CIT: variants seen among roughly 807,000 people sequenced by gnomAD.
CIT encodes citron Rho-interacting kinase.
A neutral mutation model predicts 272.7 loss-of-function variants in CIT; 79 were observed. That is an observed-to-expected ratio of 0.29 (90% CI 0.24 to 0.35). CIT has a LOEUF of 0.35. Among genes scored for constraint, CIT ranks in the 10% least tolerant of loss-of-function variants. The pLI, the probability that CIT is intolerant of heterozygous loss-of-function variation, is 1.00. For synonymous variants in CIT, 948 were observed against 995.6 expected (o/e 0.95, Z 0.90); for missense variants, 1,909 against 2,618.3 (o/e 0.73, Z 5.91).
intron 32 of CIT, among the ~76,000 whole-genome samples, chr12:119,716,854 G>A (rs577786890): frequency 4.9e-4 from 75 of 152,288 alleles, no homozygotes; most frequent in South Asian, 2.1e-4. Flanking sequence ...CCATCAACAG[G>A]AGCCTGGCTT....
At chr12:119,794,593 C>G (rs1210134335) in intron 10 of CIT, among the ~76,000 whole-genome samples, 1 of 152,134 alleles carries the variant, frequency 6.6e-6, no homozygotes, top group Non-Finnish European at 1.5e-5. Flanking sequence ...CTACCAGAAG[C>G]CTGGAGAGCA....
intron 4 of CIT, 111 bp downstream of exon 4, chr12:119,857,412 G>A (rs1054000446): frequency 1.9e-5 from 21 of 1,082,880 alleles, no homozygotes; most frequent in African/African-American, 1.7e-4. Flanking sequence ...TAAATATAGA[G>A]TCACAGAGGA....
At chr12:119,751,208 T>C (rs1466194974) in intron 23 of CIT, among the ~76,000 whole-genome samples, 1 of 152,164 alleles carries the variant, frequency 6.6e-6, no homozygotes, top group Non-Finnish European at 1.5e-5. Context: ...TATACTTCCC[T>C]GAATGGGAAA....
chr12:119,796,443 C>G (rs1032477474), intron 10 of CIT, among the ~76,000 whole-genome samples: 3 of 152,002 alleles, frequency 2.0e-5, no homozygotes, highest in African/African-American at 7.3e-5. Context: ...GATGGGATGG[C>G]GGGGGAGGCA....
At chr12:119,787,604 G>A (rs1964911791) in intron 10 of CIT, among the ~76,000 whole-genome samples, 3 of 151,362 alleles carry the variant, frequency 2.0e-5, no homozygotes, top group South Asian at 4.2e-4. Context: ...GGTGGTGGGC[G>A]CCTGTAGTCC....
At position 119,784,401 on chromosome 12, in the gene CIT, C is replaced by A; in HGVS notation, c.1402-350G>T. The A allele has an allele frequency of 8.2e-7, 1 of 1,224,386 alleles. No individual in the cohort carries two copies. Among genetic ancestry groups the A allele is most frequent in the Non-Finnish European group, 1.0e-6 (1 of 963,338 alleles). The allele number at this position is 1,224,386 out of a possible 1,614,324, so 75.8% of individuals were successfully genotyped here. A position where few individuals can be genotyped will look rare whatever the true frequency, so the allele number is the denominator to read the frequency against. On this transcript the variant is annotated intron_variant, in intron 11 of 47. Transcript: ENST00000392521. This position sits in a 1 kb window ranked among gnomAD's most constrained non-coding sequence, Gnocchi z 4.7. ...AATTTTATCCCAAATCCATCTTGAT[C>A]CCCCCCCATCTCCTTGCAAAGATCT...
intron 22 of CIT, among the ~76,000 whole-genome samples, chr12:119,755,396 A>T (rs775187037): frequency 6.2e-4 from 95 of 152,226 alleles, no homozygotes; most frequent in Non-Finnish European, 8.7e-4. Context: ...ACAAATAAAG[A>T]CATGCATAAA....
At chr12:119,796,612 G>C (rs1965753186) in intron 10 of CIT, among the ~76,000 whole-genome samples, 1 of 152,198 alleles carries the variant, frequency 6.6e-6, no homozygotes, top group Non-Finnish European at 1.5e-5. Context: ...GGGATGGTGA[G>C]AAACTGGTAA....
At chr12:119,731,733 A>G (rs139993730) in intron 26 of CIT, among the ~76,000 whole-genome samples, 1,633 of 151,454 alleles carry the variant, frequency 0.011, 39 homozygotes, top group Admixed American at 0.067. Context: ...TATGATCTCC[A>G]TAAAACTATT....
rs1966463833 is a variant in CIT at position 119,804,370 on chromosome 12, T to TA, written c.1112-982dup. On this transcript the variant is annotated intron_variant, in intron 9 of 47. Coordinates refer to ENST00000392521, the MANE Select transcript of CIT (RefSeq NM_001206999.2). This position sits in a 1 kb window ranked among gnomAD's most constrained non-coding sequence, Gnocchi z 5.3. ...TCCGTGGCGGGCCAGCCAGGCGAGT[T>TA]AGAGCCGAGCATCACATCCCCCGCA... The TA allele has an allele frequency of 2.0e-6, 2 of 985,546 alleles. No individual in the cohort carries two copies. Among genetic ancestry groups the TA allele is most frequent in the South Asian group, 4.7e-5 (1 of 21,290 alleles). 61.1% of individuals were successfully genotyped at this position (985,546 alleles called of 1,614,324 possible). A position where few individuals can be genotyped will look rare whatever the true frequency, so the allele number is the denominator to read the frequency against.
Position 119,784,535 on chromosome 12 carries a change from A to AC in CIT, c.1401+424dup. On this transcript the variant is annotated intron_variant, in intron 11 of 47. Transcript: ENST00000392521. The surrounding 1 kb of genome is among the most constrained non-coding windows in gnomAD (Gnocchi z 4.7). ...TCCAGAGCGTTGCCTCTGGGCAGGA[A>AC]CAGTGAATGTTAAGAGACGTTGAGC... 8.5e-7 allele frequency: 1 copy of AC among 1,180,042 alleles called. No individual in the cohort carries two copies. Among genetic ancestry groups the AC allele is most frequent in the Admixed American group, 4.0e-5 (1 of 24,782 alleles). 73.1% of individuals were successfully genotyped at this position (1,180,042 alleles called of 1,614,324 possible). A position where few individuals can be genotyped will look rare whatever the true frequency, so the allele number is the denominator to read the frequency against.
At position 119,735,259 on chromosome 12, in the gene CIT, A is replaced by T; in HGVS notation, c.3057T>A (p.Ala1019=). The T allele has an allele frequency of 6.2e-7, 1 of 1,614,206 alleles. No homozygotes were observed. The highest frequency in any genetic ancestry group is 8.5e-7 in the Non-Finnish European group (1 of 1,180,044). ...GTACAATCTCGTCGTTGGCGCCAGA[A>T]GCCTCATCGAGTTGTTTGGACAAGT... ...NFYLSKQLDE[A]SGANDEIVQL... The change falls in exon 25 of 48, where the codon GCT becomes GCA. Residue 1019 remains alanine, a synonymous_variant. Transcript: ENST00000392521.
intron 41 of CIT, among the ~76,000 whole-genome samples, chr12:119,703,617 G>A (rs552388469): frequency 2.4e-3 from 360 of 152,018 alleles, no homozygotes; most frequent in South Asian, 4.0e-3. Flanking sequence ...GTAGAGACAG[G>A]GTTTCACCAT....
chr12:119,855,761 C>G (rs552242634), intron 4 of CIT, among the ~76,000 whole-genome samples: 14 of 152,324 alleles, frequency 9.2e-5, no homozygotes, highest in African/African-American at 3.1e-4. Flanking sequence ...GGCCATTCAC[C>G]TGGAGGAAGG....
intron 9 of CIT, among the ~76,000 whole-genome samples, chr12:119,819,532 C>G (rs1335777332): frequency 6.6e-6 from 1 of 152,172 alleles, no homozygotes; most frequent in African/African-American, 2.4e-5. Flanking sequence ...AAGATTATTA[C>G]CTGCTGTGTT....
At chr12:119,716,100 G>T (rs112086607) in intron 32 of CIT, among the ~76,000 whole-genome samples, 10,895 of 152,004 alleles carry the variant, frequency 0.072, 699 homozygotes, top group African/African-American at 0.17. Context: ...CTCTTGGGCT[G>T]GGCACAGTGG....
Position 119,714,403 on chromosome 12 carries a change from AC to A in CIT, c.4169-70del, listed in dbSNP as rs1436019785. On this transcript the variant is annotated intron_variant, in intron 32 of 47. Coordinates refer to ENST00000392521, the MANE Select transcript of CIT (RefSeq NM_001206999.2). The stretch of plus-strand genomic sequence containing the variant: ...ATCCCATCAGGAAAGTGAAAAGACA[AC>A]CCACAGAAAGGGAAAAAATACTTGC... 5 of 1,547,460 alleles carry A rather than the reference AC, an allele frequency of 3.2e-6. No individual in the cohort carries two copies. In the African/African-American group the frequency reaches 6.9e-5, roughly 21 times the overall value.
Position 119,713,827 on chromosome 12 carries a change from A to G in CIT, c.4307-179T>C. On this transcript the variant is annotated intron_variant, in intron 33 of 47. Transcript: ENST00000392521. The surrounding 1 kb of genome is among the most constrained non-coding windows in gnomAD (Gnocchi z 5.2). ...CAGGCCCCTGCAGAAAGGGAAAACA[A>G]AAGTGCCAAGTGCTCTTGACCCAGT... 1 of 673,920 alleles carries G rather than the reference A, an allele frequency of 1.5e-6. No individual in the cohort carries two copies. Among genetic ancestry groups the G allele is most frequent in the Non-Finnish European group, 2.5e-6 (1 of 398,210 alleles). The allele number at this position is 673,920 out of a possible 1,614,324, so 41.7% of individuals were successfully genotyped here. A position where few individuals can be genotyped will look rare whatever the true frequency, so the allele number is the denominator to read the frequency against.
chr12:119,773,440 C>T (rs2137607778), intron 16 of CIT, among the ~76,000 whole-genome samples: 1 of 151,022 alleles, frequency 6.6e-6, no homozygotes, highest in Non-Finnish European at 1.5e-5. Flanking sequence ...ACCTGTTTTG[C>T]TTTTTTTTTG....
Sources: allele counts gnomAD v4.1 joint callset (sites outside exome capture counted in the v4.1 genomes callset), GRCh38; gene constraint gnomAD v4.1.1; non-coding constraint Gnocchi (gnomAD v3.1); transcripts MANE v1.5; gene names NCBI Gene and HGNC (gene_info 2026-07-23, HGNC 2026-07-21).